Variants in CTNNA3 observed in about 807,000 individuals in gnomAD.
The protein encoded by CTNNA3 is catenin alpha-3.
Under a neutral mutation model 95.7 loss-of-function variants are expected in CTNNA3, and 76 were observed. The observed-to-expected ratio is 0.79, with a 90% CI of 0.66 to 0.96. The LOEUF (loss-of-function observed/expected upper bound fraction) is 0.96, where lower values mean the gene tolerates loss of function less well. Ranked by LOEUF, CTNNA3 falls within the 40% of genes least tolerant of loss-of-function variation. The pLI, the probability that CTNNA3 is intolerant of heterozygous loss-of-function variation, is 0.00. For synonymous variants in CTNNA3, 431 were observed against 374.4 expected, an observed-to-expected ratio of 1.15 and a Z score of -1.74; for missense variants, 1,191 against 1,089.8, an observed-to-expected ratio of 1.09 and a Z score of -1.31.
chr10:66,484,691 C>T (rs1034522000), intron 11 of CTNNA3, among the ~76,000 whole-genome samples: 2 of 151,780 alleles, frequency 1.3e-5, no homozygotes, highest in Admixed American at 1.3e-4. Context: ...AACCGAAAAC[C>T]TCCCAAAAAA....
intron 5 of CTNNA3, among the ~76,000 whole-genome samples, chr10:67,323,546 G>A (rs1475852937): frequency 6.6e-6 from 1 of 151,922 alleles, no homozygotes; most frequent in African/African-American, 2.4e-5. Flanking sequence ...CTTATTTCTG[G>A]GTTCTCTATT....
intron 13 of CTNNA3, among the ~76,000 whole-genome samples, chr10:66,154,719 C>CATATATATATATAT (rs569694429): frequency 0.048 from 3,563 of 74,698 alleles, 248 homozygotes; most frequent in Non-Finnish European, 0.054. Context: ...TGAAAAAGTT[C>CATATATATATATAT]ATATATATAT....
chr10:65,996,838 G>A (rs1400701701), intron 15 of CTNNA3, among the ~76,000 whole-genome samples: 1 of 152,162 alleles, frequency 6.6e-6, no homozygotes, highest in Non-Finnish European at 1.5e-5. Context: ...GGTGTTTCAT[G>A]ACACTCCTCT....
intron 7 of CTNNA3, among the ~76,000 whole-genome samples, chr10:67,027,465 C>T (rs559414696): frequency 2.8e-5 from 4 of 141,178 alleles, no homozygotes; most frequent in East Asian, 2.0e-4. Context: ...TACACAGTCT[C>T]GCTCTGTCAC....
At chr10:66,906,879 G>A (rs572500073) in intron 7 of CTNNA3, among the ~76,000 whole-genome samples, 6 of 152,082 alleles carry the variant, frequency 3.9e-5, no homozygotes, top group Admixed American at 3.3e-4. Flanking sequence ...ATAAACTCTG[G>A]CTTTATGCTA....
At chr10:67,577,675 T>G (rs1842212930) in intron 3 of CTNNA3, among the ~76,000 whole-genome samples, 1 of 147,404 alleles carries the variant, frequency 6.8e-6, no homozygotes, top group South Asian at 2.2e-4. Flanking sequence ...TATGTGTGTG[T>G]GTGTATGTGT....
chr10:67,501,499 A>C (rs1192406819), intron 5 of CTNNA3, among the ~76,000 whole-genome samples: 1 of 152,130 alleles, frequency 6.6e-6, no homozygotes, highest in East Asian at 1.9e-4. Context: ...CCTGAATTTG[A>C]ATGTTGGCCT....
chr10:67,240,150 G>A, intron 5 of CTNNA3, among the ~76,000 whole-genome samples: 1 of 152,156 alleles, frequency 6.6e-6, no homozygotes, highest in East Asian at 1.9e-4. Flanking sequence ...AAACCACTCT[G>A]GTAAGGGAAG....
At chr10:65,968,260 C>G (rs868548130) in intron 16 of CTNNA3, among the ~76,000 whole-genome samples, 5 of 151,852 alleles carry the variant, frequency 3.3e-5, no homozygotes, top group Non-Finnish European at 1.5e-5. Context: ...GGTGTGGTCC[C>G]AGCTATTCAG....
chr10:66,229,187 T>A (rs1241280220), intron 13 of CTNNA3, among the ~76,000 whole-genome samples: 2 of 152,230 alleles, frequency 1.3e-5, no homozygotes, highest in African/African-American at 2.4e-5. Flanking sequence ...AATTGTTTAC[T>A]GGTTGTGTTG....
chr10:66,065,058 A>C (rs1195817849), intron 15 of CTNNA3, among the ~76,000 whole-genome samples: 1 of 152,190 alleles, frequency 6.6e-6, no homozygotes, highest in Non-Finnish European at 1.5e-5. Flanking sequence ...TAAACCAAAA[A>C]GTGATAACTG....
intron 1 of CTNNA3, among the ~76,000 whole-genome samples, chr10:67,668,925 G>A (rs554959833): frequency 3.0e-5 from 4 of 133,294 alleles, no homozygotes; most frequent in Non-Finnish European, 4.6e-5. Context: ...TGCAACCTCC[G>A]CCTCCCCGGT....
chr10:67,127,724 C>CT (rs1468712037), intron 7 of CTNNA3, among the ~76,000 whole-genome samples: 4 of 152,132 alleles, frequency 2.6e-5, no homozygotes, highest in Non-Finnish European at 5.9e-5. Context: ...TCAGTCTCTC[C>CT]TTAGGACCTA....
At chr10:66,249,700 C>A (rs1027515100) in intron 13 of CTNNA3, among the ~76,000 whole-genome samples, 2 of 152,094 alleles carry the variant, frequency 1.3e-5, no homozygotes, top group South Asian at 2.1e-4. Flanking sequence ...ATTAGTACAA[C>A]CACCATGAAA....
intron 17 of CTNNA3, among the ~76,000 whole-genome samples, chr10:65,928,566 A>G (rs992802654): frequency 3.3e-5 from 5 of 152,236 alleles, no homozygotes; most frequent in African/African-American, 1.2e-4. Context: ...CATATGAATA[A>G]GTTACTGGAA....
chr10:66,269,320 A>G lies in CTNNA3; in HGVS notation c.1884+11150T>C, dbSNP rs553352600. On this transcript the variant is annotated intron_variant, in intron 13 of 17. Transcript: ENST00000433211. ...AGTTAAATAAGCAAAATCCACTGGA[A>G]GAGATTAGCTATTTGTAAATGCATT... Among the ~76,000 whole-genome samples, 158 of 152,302 alleles carry G rather than the reference A, an allele frequency of 1.0e-3. 1 individual carries two copies. The highest frequency in any genetic ancestry group is 3.6e-3 in the African/African-American group (149 of 41,572).
At chr10:67,420,186 A>C (rs1162361916) in intron 5 of CTNNA3, among the ~76,000 whole-genome samples, 1 of 152,234 alleles carries the variant, frequency 6.6e-6, no homozygotes, top group Non-Finnish European at 1.5e-5. Flanking sequence ...AATGAAAAAA[A>C]CATTTAAATC....
intron 11 of CTNNA3, among the ~76,000 whole-genome samples, chr10:66,478,789 G>A (rs946322967): frequency 6.6e-6 from 1 of 151,616 alleles, no homozygotes; most frequent in African/African-American, 2.4e-5. Flanking sequence ...CCCATCTACT[G>A]TACTCCCAGA....
intron 7 of CTNNA3, among the ~76,000 whole-genome samples, chr10:67,047,264 C>T (rs939277889): frequency 1.6e-4 from 24 of 152,076 alleles, no homozygotes; most frequent in Admixed American, 6.5e-5. Flanking sequence ...ATAAAGAATG[C>T]TTACTGGGAA....
Sources: allele counts gnomAD v4.1 joint callset (sites outside exome capture counted in the v4.1 genomes callset), GRCh38; gene constraint gnomAD v4.1.1; transcripts MANE v1.5; gene names NCBI Gene and HGNC (gene_info 2026-07-23, HGNC 2026-07-21).